The following TFCP2 variants were observed in gnomAD, a reference collection of about 807,000 sequenced individuals.
The protein encoded by TFCP2 is alpha-globin transcription factor CP2.
TFCP2 carries 33 observed loss-of-function variants against 73.4 expected under a neutral mutation model. The observed-to-expected ratio is 0.45, with a 90% CI of 0.34 to 0.60. The LOEUF (loss-of-function observed/expected upper bound fraction) is 0.60, where lower values mean the gene tolerates loss of function less well. Among genes scored for constraint, TFCP2 ranks in the 20% least tolerant of loss-of-function variants. The pLI is 0.01. For missense variants in TFCP2, 352 were observed against 604.0 expected (o/e 0.58, Z 4.37); for synonymous variants, 193 against 211.6 (o/e 0.91, Z 0.76).
At chr12:51,133,331 G>A (rs770748875) in intron 1 of TFCP2, among the ~76,000 whole-genome samples, 1 of 149,440 alleles carries the variant, frequency 6.7e-6, no homozygotes, top group South Asian at 2.1e-4. Context: ...TTTTTCAGAC[G>A]GTCTTGCTCT....
intron 1 of TFCP2, among the ~76,000 whole-genome samples, chr12:51,132,637 G>A (rs183154621): frequency 1.2e-3 from 187 of 152,136 alleles, no homozygotes; most frequent in African/African-American, 4.4e-3. Context: ...CCAAAGAGCT[G>A]GGATTACAGG....
At chr12:51,129,868 G>T (rs1259727130) in intron 1 of TFCP2, among the ~76,000 whole-genome samples, 1 of 151,956 alleles carries the variant, frequency 6.6e-6, no homozygotes, top group Non-Finnish European at 1.5e-5. Context: ...CTTCATTGGG[G>T]CCAGGCACAG....
intron 1 of TFCP2, among the ~76,000 whole-genome samples, chr12:51,129,736 G>T (rs1049667757): frequency 1.3e-5 from 2 of 151,870 alleles, no homozygotes; most frequent in African/African-American, 4.8e-5. Context: ...ATTCTAAAAA[G>T]ACTAAATGTT....
At chr12:51,098,353 C>T (rs1384011996) in intron 13 of TFCP2, among the ~76,000 whole-genome samples, 2 of 151,978 alleles carry the variant, frequency 1.3e-5, no homozygotes, top group East Asian at 1.9e-4. Flanking sequence ...GGACCAGGCG[C>T]AGTGGCTCAC....
At chr12:51,113,788 C>T (rs538210766) in intron 4 of TFCP2, among the ~76,000 whole-genome samples, 2 of 152,208 alleles carry the variant, frequency 1.3e-5, no homozygotes, top group East Asian at 1.9e-4. Context: ...GGGTGCAAGA[C>T]CATTCAGTGG....
intron 8 of TFCP2, among the ~76,000 whole-genome samples, chr12:51,105,268 A>G (rs545071646): frequency 4.6e-5 from 7 of 151,732 alleles, no homozygotes; most frequent in African/African-American, 1.7e-4. Flanking sequence ...TAATTTTTTT[A>G]TTTTTAGTAG....
chr12:51,150,572 A>G (rs899824023), intron 1 of TFCP2, among the ~76,000 whole-genome samples: 3 of 152,166 alleles, frequency 2.0e-5, no homozygotes, highest in Non-Finnish European at 2.9e-5. Context: ...AATGAAAGGG[A>G]AAGTAAAGAA....
At chr12:51,097,608 A>C (rs1939995664) in intron 13 of TFCP2, among the ~76,000 whole-genome samples, 2 of 152,146 alleles carry the variant, frequency 1.3e-5, no homozygotes, top group Admixed American at 1.3e-4. Context: ...TATTTTAATC[A>C]ATTGTATAAT....
chr12:51,144,348 A>G (rs1941247990), intron 1 of TFCP2, among the ~76,000 whole-genome samples: 1 of 152,144 alleles, frequency 6.6e-6, no homozygotes, highest in African/African-American at 2.4e-5. Flanking sequence ...TAAAATTTCT[A>G]TCAATAAGCG....
At chr12:51,151,292 A>G (rs1374685180) in intron 1 of TFCP2, among the ~76,000 whole-genome samples, 5 of 152,216 alleles carry the variant, frequency 3.3e-5, no homozygotes, top group Admixed American at 6.5e-5. Context: ...GCCACTGGAC[A>G]GTTTTTAGGA....
intron 1 of TFCP2, among the ~76,000 whole-genome samples, chr12:51,166,470 AGTT>A (rs1941760459): frequency 6.6e-6 from 1 of 152,238 alleles, no homozygotes; most frequent in Non-Finnish European, 1.5e-5. Context: ...AGATGCTTAA[AGTT>A]GTTTTTCAGG....
Position 51,172,342 on chromosome 12 carries a change from G to A in TFCP2, c.81C>T (p.Ser27=), listed in dbSNP as rs1383118091. 6.2e-7 allele frequency: 1 copy of A among 1,613,930 alleles called. No homozygotes were observed. The highest frequency in any genetic ancestry group is 1.3e-5 in the African/African-American group (1 of 74,882). The change falls in exon 1 of 15, where the codon TCC becomes TCT. Residue 27 remains serine, a synonymous_variant. Coordinates refer to ENST00000257915, the MANE Select transcript of TFCP2 (RefSeq NM_005653.5). ...GLVQDFDASL[S]GIGQELGAGA... is the part of the protein sequence containing the mutation. ...CAGCACCCAGTTCCTGGCCGATCCCGGACAGGCTAGCATCAAAGTCCTGCA... is the reference window on the plus strand; with the variant it reads ...CAGCACCCAGTTCCTGGCCGATCCCAGACAGGCTAGCATCAAAGTCCTGCA...
chr12:51,127,284 C>T (rs1017475003), intron 1 of TFCP2, among the ~76,000 whole-genome samples: 1 of 151,890 alleles, frequency 6.6e-6, no homozygotes, highest in African/African-American at 2.4e-5. Flanking sequence ...AAGACAGGAC[C>T]GAAGTCTGAG....
intron 1 of TFCP2, among the ~76,000 whole-genome samples, chr12:51,148,401 G>C (rs1271449775): frequency 6.6e-6 from 1 of 152,194 alleles, no homozygotes; most frequent in East Asian, 1.9e-4. Context: ...CCATCAACAA[G>C]TGGATAAAGA....
intron 1 of TFCP2, among the ~76,000 whole-genome samples, chr12:51,128,793 A>AT (rs1940873417): frequency 6.6e-6 from 1 of 152,138 alleles, no homozygotes; most frequent in African/African-American, 2.4e-5. Flanking sequence ...CCTTTGTAAC[A>AT]TTTTTTTATA....
intron 1 of TFCP2, among the ~76,000 whole-genome samples, chr12:51,140,186 C>CT (rs1941155433): frequency 6.6e-6 from 1 of 152,146 alleles, no homozygotes; most frequent in Admixed American, 6.6e-5. Context: ...GTGTTGCACT[C>CT]TAACACTTAT....
chr12:51,159,384 C>T (rs1941604497), intron 1 of TFCP2, among the ~76,000 whole-genome samples: 1 of 151,544 alleles, frequency 6.6e-6, no homozygotes, highest in African/African-American at 2.4e-5. Context: ...GTCACCCAGG[C>T]TGGAGTGCAA....
chr12:51,116,695 G>A (rs562074612), intron 3 of TFCP2, among the ~76,000 whole-genome samples: 6 of 149,666 alleles, frequency 4.0e-5, no homozygotes, highest in South Asian at 2.1e-4. Flanking sequence ...TCGGCTCACC[G>A]CAACCTCCAC....
chr12:51,097,307 G>A (rs1939987974), intron 13 of TFCP2, among the ~76,000 whole-genome samples: 1 of 151,664 alleles, frequency 6.6e-6, no homozygotes, highest in South Asian at 2.1e-4. Context: ...GGAGTGCGGT[G>A]GCGCAATCTT....
Sources: allele counts gnomAD v4.1 joint callset (sites outside exome capture counted in the v4.1 genomes callset), GRCh38; gene constraint gnomAD v4.1.1; transcripts MANE v1.5; gene names NCBI Gene and HGNC (gene_info 2026-07-23, HGNC 2026-07-21).